The following VPS35L variants were observed in gnomAD, a reference collection of about 807,000 sequenced individuals.
VPS35L encodes the protein VPS35 endosomal protein sorting factor like, also known as VPS35 endosomal protein-sorting factor-like.
Under a neutral mutation model 133.0 loss-of-function variants are expected in VPS35L, and 83 were observed. That is an observed-to-expected ratio of 0.62 (90% CI 0.52 to 0.75). The LOEUF (loss-of-function observed/expected upper bound fraction) is 0.75. VPS35L is among the 30% of genes least tolerant of loss of function. The pLI is 0.00. For synonymous variants in VPS35L, 423 were observed against 449.9 expected, an observed-to-expected ratio of 0.94 and a Z score of 0.76; for missense variants, 1,083 against 1,206.8, an observed-to-expected ratio of 0.90 and a Z score of 1.52.
At position 19,700,876 on chromosome 16, in the gene VPS35L, A is replaced by G; in HGVS notation, c.*400A>G. 1 of 176,768 alleles carries G rather than the reference A, an allele frequency of 5.7e-6. No individual in the cohort carries two copies. Among genetic ancestry groups the G allele is most frequent in the South Asian group, 1.4e-4 (1 of 7,072 alleles). 10.9% of individuals were successfully genotyped at this position (176,768 alleles called of 1,614,324 possible). A position where few individuals can be genotyped will look rare whatever the true frequency, so the allele number is the denominator to read the frequency against. On this transcript the variant is annotated 3_prime_UTR_variant, in exon 31 of 31. Coordinates refer to ENST00000417362, the MANE Select transcript of VPS35L (RefSeq NM_020314.7). ...GCTTTTCAAAGTGCCACTGTTCCAG[A>G]CCCATTCCATTCCAGACTTTGTACC...
intron 29 of VPS35L, among the ~76,000 whole-genome samples, chr16:19,691,773 G>A (rs571661742): frequency 4.6e-5 from 7 of 151,862 alleles, no homozygotes; most frequent in Non-Finnish European, 8.8e-5. Flanking sequence ...GCCTCTGCCC[G>A]ATTGTCCCTG....
chr16:19,575,306 C>G (rs1177189813), intron 5 of VPS35L, among the ~76,000 whole-genome samples, 184 bp downstream of exon 5: 1 of 152,056 alleles, frequency 6.6e-6, no homozygotes, highest in Non-Finnish European at 1.5e-5. Flanking sequence ...TAAAAAAATA[C>G]CAAATACCAG....
At chr16:19,625,691 T>G (rs538882535) in intron 14 of VPS35L, among the ~76,000 whole-genome samples, 1 of 152,092 alleles carries the variant, frequency 6.6e-6, no homozygotes, top group Non-Finnish European at 1.5e-5. Context: ...GTTGATTGAT[T>G]GAGACAGGGT....
intron 16 of VPS35L, among the ~76,000 whole-genome samples, chr16:19,628,236 T>C (rs1973331639): frequency 6.6e-6 from 1 of 152,092 alleles, no homozygotes; most frequent in Non-Finnish European, 1.5e-5. Context: ...TGGTGGTGCA[T>C]TCCTGTAGTC....
chr16:19,582,725 G>GAA (rs1345370011), intron 7 of VPS35L, among the ~76,000 whole-genome samples: 3 of 152,158 alleles, frequency 2.0e-5, no homozygotes, highest in African/African-American at 7.2e-5. Context: ...TTGTAGTTTA[G>GAA]AACTGTGTCT....
At position 19,628,713 on chromosome 16, in the gene VPS35L, A is replaced by T. The variant is rs370460906; in HGVS notation, c.1460A>T (p.Asn487Ile). 2 of 1,596,332 alleles carry T rather than the reference A, an allele frequency of 1.3e-6. No individual in the cohort carries two copies. Among genetic ancestry groups the T allele is most frequent in the Admixed American group, 3.4e-5 (2 of 58,948 alleles). Residue 487 changes from asparagine to isoleucine, a missense_variant, in exon 17 of 31, where the codon AAC becomes ATC. Transcript: ENST00000417362. ...GAGAGTGACCGACTTCAGATTCTCA[A>T]CGAAGCTTGGAAAGTCATCACTAAG... ...PPESDRLQIL[N>I]EAWKVITKLK...
chr16:19,649,061 T>A (rs1370454509), intron 24 of VPS35L, among the ~76,000 whole-genome samples: 1 of 151,512 alleles, frequency 6.6e-6, no homozygotes, highest in African/African-American at 2.4e-5. Context: ...CGATTTTGGC[T>A]CACTGCAACC....
At chr16:19,565,904 T>A (rs1474516380) in intron 2 of VPS35L, among the ~76,000 whole-genome samples, 1 of 152,122 alleles carries the variant, frequency 6.6e-6, no homozygotes, top group African/African-American at 2.4e-5. Flanking sequence ...GTGGGTTTAT[T>A]TAAAAAATAA....
At chr16:19,687,135 T>C (rs1409049929) in intron 28 of VPS35L, among the ~76,000 whole-genome samples, 1 of 152,180 alleles carries the variant, frequency 6.6e-6, no homozygotes. Flanking sequence ...GCCTAGAAGC[T>C]GGCATGAAGC....
At chr16:19,576,977 G>A (rs1446519999) in intron 5 of VPS35L, among the ~76,000 whole-genome samples, 1 of 152,156 alleles carries the variant, frequency 6.6e-6, no homozygotes, top group East Asian at 1.9e-4. Flanking sequence ...AAAGTGCTGG[G>A]ATTACAGGTG....
At chr16:19,685,911 T>G (rs1975442140) in intron 28 of VPS35L, among the ~76,000 whole-genome samples, 1 of 151,588 alleles carries the variant, frequency 6.6e-6, no homozygotes, top group South Asian at 2.1e-4. Context: ...CTCCTTCCTC[T>G]CCCTCCTCTC....
At chr16:19,673,317 TC>T (rs1298773941) in intron 27 of VPS35L, among the ~76,000 whole-genome samples, 2 of 152,294 alleles carry the variant, frequency 1.3e-5, no homozygotes, top group East Asian at 3.9e-4. Flanking sequence ...GATTTGCATC[TC>T]CCCTTGAAAA....
chr16:19,688,979 G>A (rs1181696828), intron 28 of VPS35L, among the ~76,000 whole-genome samples: 1 of 151,822 alleles, frequency 6.6e-6, no homozygotes, highest in South Asian at 2.1e-4. Flanking sequence ...GGGATACTAC[G>A]CAGACATGAC....
intron 20 of VPS35L, among the ~76,000 whole-genome samples, chr16:19,638,235 C>T (rs34915399): frequency 0.2 from 31,164 of 152,110 alleles, 3,950 homozygotes; most frequent in Non-Finnish European, 0.27. Context: ...CATGTGCTCA[C>T]AAGATTGTAA....
intron 1 of VPS35L, among the ~76,000 whole-genome samples, chr16:19,564,121 C>T (rs1017502574): frequency 1.3e-5 from 2 of 152,316 alleles, no homozygotes; most frequent in South Asian, 4.1e-4. Flanking sequence ...CTCTGTCCCC[C>T]AGGCTGGAGT....
At chr16:19,608,153 A>C in intron 9 of VPS35L, 25 bp from the exon 10 acceptor site, 2 of 1,559,342 alleles carry the variant, frequency 1.3e-6, no homozygotes, top group South Asian at 2.2e-5. Flanking sequence ...AGGAGGGCTG[A>C]TGGATCTTGT....
chr16:19,626,052 T>G, intron 14 of VPS35L, 125 bp from the exon 15 acceptor site: 2 of 620,750 alleles, frequency 3.2e-6, no homozygotes, highest in Non-Finnish European at 5.5e-6. Context: ...TACCAGACAC[T>G]GAGAATTATC....
At chr16:19,669,659 C>T (rs1456096167) in intron 27 of VPS35L, among the ~76,000 whole-genome samples, 1 of 150,144 alleles carries the variant, frequency 6.7e-6, no homozygotes, top group Non-Finnish European at 1.5e-5. Flanking sequence ...CATCTTCTCT[C>T]TCTTTCTGTC....
chr16:19,590,032 G>A (rs1230026263), intron 7 of VPS35L, among the ~76,000 whole-genome samples: 1 of 151,898 alleles, frequency 6.6e-6, no homozygotes, highest in Admixed American at 6.6e-5. Context: ...CTCACAAAGG[G>A]CATATGAAAA....
Sources: allele counts gnomAD v4.1 joint callset (sites outside exome capture counted in the v4.1 genomes callset), GRCh38; gene constraint gnomAD v4.1.1; transcripts MANE v1.5; gene names NCBI Gene and HGNC (gene_info 2026-07-23, HGNC 2026-07-21).